Variants in SPSB4 observed in about 807,000 individuals in gnomAD.
The protein encoded by SPSB4 is splA/ryanodine receptor domain and SOCS box containing 4, also known as SPRY domain-containing SOCS box protein 4.
SPSB4 carries 21 observed loss-of-function variants against 20.9 expected under a neutral mutation model. That is an observed-to-expected ratio of 1.01 (90% confidence interval 0.71 to 1.45). The LOEUF is 1.45. Among genes scored for constraint, SPSB4 ranks in the 40% most tolerant of loss-of-function variants. The pLI is 0.00. For missense variants in SPSB4, 399 were observed against 399.2 expected (o/e 1.00, Z 0.00); for synonymous variants, 207 against 183.8 (o/e 1.13, Z -1.02).
chr3:141,061,720 C>G (rs945839136), intron 1 of SPSB4, among the ~76,000 whole-genome samples: 1 of 139,764 alleles, frequency 7.2e-6, no homozygotes, highest in African/African-American at 2.6e-5. Context: ...CTTTCTTTTT[C>G]TTTCCTTTTC....
chr3:141,121,873 C>T (rs192312724), intron 2 of SPSB4, among the ~76,000 whole-genome samples: 25 of 152,230 alleles, frequency 1.6e-4, no homozygotes, highest in Admixed American at 5.2e-4. Context: ...TCCTTTAGCT[C>T]GGAGAAGTTT....
chr3:141,066,787 AC>A lies in SPSB4; in HGVS notation c.684del (p.Asn228LysfsTer10). 1 of 1,548,148 alleles carries A rather than the reference AC, an allele frequency of 6.5e-7. No individual in the cohort carries two copies. Among genetic ancestry groups the A allele is most frequent in the African/African-American group, 1.4e-5 (1 of 73,324 alleles). On this transcript the variant is annotated frameshift_variant, in exon 2 of 3. Coordinates refer to ENST00000310546, the MANE Select transcript of SPSB4 (RefSeq NM_080862.3). LOFTEE classifies it high-confidence loss of function. Reference protein sequence around the residue: ...GHCEVTMRYINGLDPEPLPLM... With the variant: ...GHCEVTMRYIXGLDPEPLPLM... ...TGTGAAGTCACCATGCGCTACATCA[AC>A]GGCCTTGACCGTAAGTTGTGCTGGG... is the stretch of plus-strand genomic sequence containing the variant.
chr3:141,088,801 A>C (rs1275223917), intron 2 of SPSB4, among the ~76,000 whole-genome samples: 2 of 152,090 alleles, frequency 1.3e-5, no homozygotes, highest in African/African-American at 4.8e-5. Context: ...TCCCTGTCTC[A>C]CTTTCTCCGT....
In SPSB4 at chr3:141,101,611, G is replaced by A. The variant is rs1352498607; in HGVS notation, c.694+34813G>A. On this transcript the variant is annotated intron_variant, in intron 2 of 2. Transcript: ENST00000310546. ...AAGTTCTCCTAAGGATTAAATAATA[G>A]AATGGGTATAAACTGCCCAGGACGG... Among the ~76,000 whole-genome samples, 3 of 152,156 alleles carry A rather than the reference G, an allele frequency of 2.0e-5. No individual in the cohort carries two copies. In the East Asian group the frequency reaches 5.8e-4, roughly 29 times the overall value.
At chr3:141,117,974 G>A (rs942472802) in intron 2 of SPSB4, among the ~76,000 whole-genome samples, 1 of 152,222 alleles carries the variant, frequency 6.6e-6, no homozygotes, top group East Asian at 1.9e-4. Context: ...ACGTGTGCAT[G>A]TGTCTTTATT....
chr3:141,055,787 T>C (rs1937624557), intron 1 of SPSB4, among the ~76,000 whole-genome samples: 1 of 152,160 alleles, frequency 6.6e-6, no homozygotes, highest in African/African-American at 2.4e-5. Flanking sequence ...GGACCACAGA[T>C]GTCCCGCAGG....
chr3:141,083,492 C>CT (rs1938279988), intron 2 of SPSB4, among the ~76,000 whole-genome samples: 1 of 152,238 alleles, frequency 6.6e-6, no homozygotes, highest in South Asian at 2.1e-4. Context: ...GGAGGTGACC[C>CT]TTTTGTGTGG....
chr3:141,083,389 C>T (rs1938278005), intron 2 of SPSB4, among the ~76,000 whole-genome samples: 1 of 152,160 alleles, frequency 6.6e-6, no homozygotes, highest in Non-Finnish European at 1.5e-5. Context: ...GATGGTGCCC[C>T]TTATGGTCCC....
intron 2 of SPSB4, among the ~76,000 whole-genome samples, chr3:141,132,730 T>A (rs894801812): frequency 6.6e-6 from 1 of 152,174 alleles, no homozygotes; most frequent in African/African-American, 2.4e-5. Flanking sequence ...TTCCATAATT[T>A]TATAACTGTG....
At chr3:141,077,800 G>T (rs1351183403) in intron 2 of SPSB4, among the ~76,000 whole-genome samples, 1 of 152,212 alleles carries the variant, frequency 6.6e-6, no homozygotes, top group East Asian at 1.9e-4. Context: ...GGGCTGTTTA[G>T]TGAGGGCTCC....
chr3:141,124,338 G>A (rs1939017484), intron 2 of SPSB4, among the ~76,000 whole-genome samples: 1 of 152,180 alleles, frequency 6.6e-6, no homozygotes, highest in South Asian at 2.1e-4. Flanking sequence ...TTGAGGGCAG[G>A]GAGACCATAT....
intron 2 of SPSB4, among the ~76,000 whole-genome samples, chr3:141,085,672 C>T (rs1262224989): frequency 6.6e-6 from 1 of 152,250 alleles, no homozygotes; most frequent in East Asian, 1.9e-4. Context: ...CTGCCTAGAG[C>T]ACTGTTCTGC....
At chr3:141,139,156 A>T (rs1939278906) in intron 2 of SPSB4, among the ~76,000 whole-genome samples, 1 of 151,924 alleles carries the variant, frequency 6.6e-6, no homozygotes, top group South Asian at 2.1e-4. Flanking sequence ...TAGGATTGCA[A>T]CCCCTGCCTT....
In SPSB4 at chr3:141,065,876, C is replaced by CTTTGCTTCATTT. The variant is rs1937855311; in HGVS notation, c.-153-76_-153-75insTTTGCTTCATTT. The stretch of plus-strand genomic sequence containing the variant: ...GTGCATGCAAAGGGCTCAGCCAAGG[C>CTTTGCTTCATTT]ATGGACATAAATGAAGGGATTGGCA... On this transcript the variant is annotated intron_variant, in intron 1 of 2. Coordinates refer to ENST00000310546, the MANE Select transcript of SPSB4 (RefSeq NM_080862.3). 13 of 503,546 alleles carry CTTTGCTTCATTT rather than the reference C, an allele frequency of 2.6e-5. No homozygotes were observed. The South Asian group carries it at 3.9e-4, about 15-fold the overall frequency. The allele number at this position is 503,546 out of a possible 1,614,324, so 31.2% of individuals were successfully genotyped here. A position where few individuals can be genotyped will look rare whatever the true frequency, so the allele number is the denominator to read the frequency against.
chr3:141,085,185 G>A (rs1002117154), intron 2 of SPSB4, among the ~76,000 whole-genome samples: 30 of 152,216 alleles, frequency 2.0e-4, no homozygotes, highest in African/African-American at 5.8e-4. Context: ...TGGATTCAGG[G>A]ACCTGCAAGT....
chr3:141,062,535 GAA>G (rs1937785192), intron 1 of SPSB4, among the ~76,000 whole-genome samples: 1 of 152,014 alleles, frequency 6.6e-6, no homozygotes, highest in Non-Finnish European at 1.5e-5. Flanking sequence ...TTTCCTCTGA[GAA>G]CTGCTGTAGA....
chr3:141,067,622 A>T (rs970261394), intron 2 of SPSB4, among the ~76,000 whole-genome samples: 5 of 152,248 alleles, frequency 3.3e-5, no homozygotes, highest in African/African-American at 9.6e-5. Context: ...CCGGCAAGAT[A>T]AAAAGTGTAG....
intron 2 of SPSB4, among the ~76,000 whole-genome samples, chr3:141,131,483 C>G (rs1476990697): frequency 1.3e-5 from 2 of 152,076 alleles, no homozygotes; most frequent in African/African-American, 4.8e-5. Flanking sequence ...CCAGCCCCCC[C>G]TTCCCAACCC....
intron 2 of SPSB4, among the ~76,000 whole-genome samples, chr3:141,139,425 T>C (rs369839113): frequency 1.3e-5 from 2 of 152,246 alleles, no homozygotes; most frequent in East Asian, 3.8e-4. Context: ...ATTTTCTTCC[T>C]AGCCTCGATG....
Sources: allele counts gnomAD v4.1 joint callset (sites outside exome capture counted in the v4.1 genomes callset), GRCh38; gene constraint gnomAD v4.1.1; transcripts MANE v1.5; gene names NCBI Gene and HGNC (gene_info 2026-07-23, HGNC 2026-07-21).